Variants in ROBO1 observed in about 807,000 individuals in gnomAD.
ROBO1 encodes the protein roundabout homolog 1.
A neutral mutation model predicts 195.9 loss-of-function variants in ROBO1; 149 were observed. The ratio of observed to expected loss-of-function variants is 0.76; its 90% CI spans 0.67 to 0.87. ROBO1 has a LOEUF of 0.87. Among genes scored for constraint, ROBO1 ranks in the 40% least tolerant of loss-of-function variants. The pLI is 0.00. For synonymous variants in ROBO1, 816 were observed against 733.2 expected, an observed-to-expected ratio of 1.11 and a Z score of -1.82; for missense variants, 1,933 against 2,068.3, an observed-to-expected ratio of 0.93 and a Z score of 1.27.
At chr3:79,037,310 C>A (rs558037486) in intron 3 of ROBO1, among the ~76,000 whole-genome samples, 1 of 152,200 alleles carries the variant, frequency 6.6e-6, no homozygotes, top group African/African-American at 2.4e-5. Flanking sequence ...ATTTCTTCAG[C>A]CTTATTACCT....
At chr3:79,364,954 A>G (rs941010667) in intron 2 of ROBO1, among the ~76,000 whole-genome samples, 2 of 152,136 alleles carry the variant, frequency 1.3e-5, no homozygotes, top group African/African-American at 4.8e-5. Context: ...TTTGGGGAAT[A>G]CCCTCTTTCT....
rs148856619 is a variant in ROBO1, at chr3:79,165,361, C to T, written c.89-39822G>A. Among the ~76,000 whole-genome samples, 312 of 152,294 alleles carry T rather than the reference C, an allele frequency of 2.0e-3. 3 individuals carry two copies. Among genetic ancestry groups the T allele is most frequent in the African/African-American group, 6.5e-3 (270 of 41,562 alleles). On this transcript the variant is annotated intron_variant, in intron 2 of 30. Transcript: ENST00000464233. ...ACTTCAACATTATTTTCCTATGAGA[C>T]ATTTTGCAAGGTTGAGTTCTTTCAG...
At chr3:79,635,515 C>G (rs2108044713) in intron 1 of ROBO1, among the ~76,000 whole-genome samples, 1 of 152,252 alleles carries the variant, frequency 6.6e-6, no homozygotes. Flanking sequence ...TCATTGAACA[C>G]CATCTTGACT....
chr3:79,592,208 C>A (rs1304152465), intron 1 of ROBO1, among the ~76,000 whole-genome samples: 1 of 151,738 alleles, frequency 6.6e-6, no homozygotes, highest in East Asian at 2.0e-4. Context: ...ATCAAACATG[C>A]ACATTTTCAC....
intron 4 of ROBO1, among the ~76,000 whole-genome samples, chr3:78,783,392 C>T (rs1046819324): frequency 1.3e-5 from 2 of 152,092 alleles, no homozygotes; most frequent in African/African-American, 4.8e-5. Context: ...CAACATTTAC[C>T]ACAGACCAAG....
At chr3:78,627,270 A>C in intron 26 of ROBO1, 51 bp downstream of exon 26, 1 of 1,573,300 alleles carries the variant, frequency 6.4e-7, no homozygotes, top group East Asian at 2.3e-5. Context: ...ACTTCCACTG[A>C]GGAGTAGAAA....
intron 4 of ROBO1, among the ~76,000 whole-genome samples, chr3:78,827,363 TA>T (rs1181849003): frequency 1.3e-5 from 2 of 152,244 alleles, no homozygotes; most frequent in East Asian, 3.9e-4. Context: ...TTTCTAAGAA[TA>T]AAAAAGCTAA....
rs576792806 is a variant in ROBO1 at position 78,982,785 on chromosome 3, C to T, written c.173-43858G>A. Among the ~76,000 whole-genome samples the T allele has an allele frequency of 4.6e-5, 7 of 152,206 alleles. No individual in the cohort carries two copies. In the East Asian group the frequency reaches 5.8e-4, roughly 13 times the overall value. ...CTGGGATTACAGGCATGCACCAACA[C>T]GCCCAGCTAATTTTATAGAGATGGG... On this transcript the variant is annotated intron_variant, in intron 3 of 30. Coordinates refer to ENST00000464233, the MANE Select transcript of ROBO1 (RefSeq NM_002941.4).
intron 2 of ROBO1, among the ~76,000 whole-genome samples, chr3:79,135,051 T>C (rs1009460546): frequency 4.0e-5 from 6 of 150,110 alleles, no homozygotes; most frequent in African/African-American, 1.5e-4. Flanking sequence ...AAAAAAACAT[T>C]AAAAAAAAAA....
At chr3:78,722,653 C>T (rs1003541577) in intron 5 of ROBO1, among the ~76,000 whole-genome samples, 15 of 152,034 alleles carry the variant, frequency 9.9e-5, no homozygotes, top group African/African-American at 3.6e-4. Flanking sequence ...CTAGGTAAAA[C>T]CCAAAGACAA....
chr3:79,686,151 C>G (rs913267107), intron 1 of ROBO1, among the ~76,000 whole-genome samples: 7 of 152,134 alleles, frequency 4.6e-5, no homozygotes, highest in African/African-American at 1.7e-4. Flanking sequence ...GCAGAAAAAG[C>G]CTTTGACAAA....
intron 2 of ROBO1, among the ~76,000 whole-genome samples, chr3:79,489,134 T>C (rs1183816851): frequency 1.3e-5 from 2 of 151,058 alleles, no homozygotes; most frequent in African/African-American, 4.9e-5. Context: ...ATAAAACATG[T>C]GGTAAGAAGA....
chr3:79,070,388 A>T (rs571017780), intron 3 of ROBO1, among the ~76,000 whole-genome samples: 1 of 152,006 alleles, frequency 6.6e-6, no homozygotes, highest in East Asian at 1.9e-4. Flanking sequence ...CTGCAAATCT[A>T]TGTAAGTGGA....
intron 1 of ROBO1, among the ~76,000 whole-genome samples, chr3:79,685,042 T>G (rs745506044): frequency 6.6e-6 from 1 of 152,144 alleles, no homozygotes; most frequent in Non-Finnish European, 1.5e-5. Flanking sequence ...ACATTGTTGC[T>G]CTTTTTTATT....
chr3:79,229,374 GA>G (rs968087896), intron 2 of ROBO1, among the ~76,000 whole-genome samples: 1 of 151,748 alleles, frequency 6.6e-6, no homozygotes, highest in Admixed American at 6.6e-5. Context: ...CCAATTGCAG[GA>G]AAAAAAATCA....
chr3:79,012,560 C>G (rs1176064333), intron 3 of ROBO1, among the ~76,000 whole-genome samples: 1 of 152,214 alleles, frequency 6.6e-6, no homozygotes, highest in Admixed American at 6.5e-5. Context: ...CACAGAGGTA[C>G]TTCTCTCTTT....
rs1703000681 is a variant in ROBO1 at position 78,598,947 on chromosome 3, G to T, written c.4942-20C>A. 1.3e-6 allele frequency: 2 copies of T among 1,510,334 alleles called. No homozygotes were observed. The highest frequency in any genetic ancestry group is 1.8e-6 in the Non-Finnish European group (2 of 1,105,488). 93.6% of individuals were successfully genotyped at this position (1,510,334 alleles called of 1,614,324 possible). On this transcript the variant is annotated intron_variant, in intron 30 of 30. Transcript: ENST00000464233. ...AGTTTCCTGTAAGAGATACGTTATT[G>T]TCACATTTGAAAATAAATCTTAAGA...
chr3:79,567,645 T>A (rs1429701365), intron 2 of ROBO1, among the ~76,000 whole-genome samples: 1 of 152,134 alleles, frequency 6.6e-6, no homozygotes, highest in Non-Finnish European at 1.5e-5. Flanking sequence ...GCTTTGACTA[T>A]TAAAAAGAAA....
chr3:79,737,656 C>CA (rs11381251), intron 1 of ROBO1, among the ~76,000 whole-genome samples: 4,832 of 149,072 alleles, frequency 0.032, 255 homozygotes, highest in African/African-American at 0.1. Flanking sequence ...TTTGTCCTAT[C>CA]AAAAAAAAAA....
Sources: allele counts gnomAD v4.1 joint callset (sites outside exome capture counted in the v4.1 genomes callset), GRCh38; gene constraint gnomAD v4.1.1; transcripts MANE v1.5; gene names NCBI Gene and HGNC (gene_info 2026-07-23, HGNC 2026-07-21).